KIAA2012: variants seen among roughly 807,000 people sequenced by gnomAD.
KIAA2012 encodes the protein uncharacterized protein KIAA2012.
In KIAA2012, 125 loss-of-function variants were observed where a neutral mutation model predicts 150.6. The observed-to-expected ratio is 0.83, with a 90% CI of 0.72 to 0.96. The LOEUF (loss-of-function observed/expected upper bound fraction) is 0.96. KIAA2012 is among the 40% of genes least tolerant of loss of function. The probability of loss-of-function intolerance (pLI) is 0.00; values close to 1 mark genes in which losing one functional copy is unlikely to be tolerated. For synonymous variants in KIAA2012, 462 were observed against 504.7 expected (o/e 0.92, Z 1.13); for missense variants, 1,219 against 1,354.9 (o/e 0.90, Z 1.57).
chr2:202,076,260 G>A (rs1431393414), intron 2 of KIAA2012, among the ~76,000 whole-genome samples: 3 of 152,046 alleles, frequency 2.0e-5, no homozygotes, highest in Non-Finnish European at 2.9e-5. Flanking sequence ...TCCAATATGG[G>A]GACCATGTCT....
At chr2:202,077,873 G>A (rs1689360062) in intron 2 of KIAA2012, among the ~76,000 whole-genome samples, 1 of 152,086 alleles carries the variant, frequency 6.6e-6, no homozygotes, top group Non-Finnish European at 1.5e-5. Flanking sequence ...CAGAAGCTTC[G>A]GAAAATAGAG....
At chr2:202,190,537 C>T (rs1446832370) in intron 19 of KIAA2012, 44 bp downstream of exon 19, 15 of 1,397,814 alleles carry the variant, frequency 1.1e-5, no homozygotes, top group Non-Finnish European at 1.3e-5. Context: ...GTTCTGTTCT[C>T]ACTTGGCGCG....
intron 2 of KIAA2012, among the ~76,000 whole-genome samples, chr2:202,083,340 G>A (rs541752209): frequency 6.6e-6 from 1 of 152,362 alleles, no homozygotes; most frequent in African/African-American, 2.4e-5. Context: ...ATGCTTTCCA[G>A]GCACAGCTGC....
intron 12 of KIAA2012, among the ~76,000 whole-genome samples, chr2:202,130,256 T>G (rs1315795548): frequency 1.3e-5 from 2 of 152,230 alleles, no homozygotes; most frequent in African/African-American, 4.8e-5. Flanking sequence ...CAATTCTTTT[T>G]TAGTTTTATC....
At chr2:202,131,225 T>C (rs1287451019) in intron 12 of KIAA2012, among the ~76,000 whole-genome samples, 1 of 152,182 alleles carries the variant, frequency 6.6e-6, no homozygotes, top group Non-Finnish European at 1.5e-5. Context: ...CTGCAACCTC[T>C]GTCTCCCGGG....
At chr2:202,087,902 G>A (rs151195033) in intron 2 of KIAA2012, among the ~76,000 whole-genome samples, 62 of 151,970 alleles carry the variant, frequency 4.1e-4, no homozygotes, top group African/African-American at 1.3e-3. Flanking sequence ...GAGATGCAAC[G>A]GAGTCTGGGA....
chr2:202,193,072 G>A (rs1692350332), intron 19 of KIAA2012, among the ~76,000 whole-genome samples: 1 of 152,194 alleles, frequency 6.6e-6, no homozygotes, highest in African/African-American at 2.4e-5. Context: ...GGAAGTTTAA[G>A]TTGTGATCCC....
intron 3 of KIAA2012, 29 bp from the exon 4 acceptor site, chr2:202,093,001 C>T (rs1689765388): frequency 6.5e-7 from 1 of 1,533,390 alleles, no homozygotes; most frequent in South Asian, 1.2e-5. Flanking sequence ...ACCACTATTT[C>T]TATCAATATC....
intron 13 of KIAA2012, among the ~76,000 whole-genome samples, chr2:202,151,875 C>T (rs1691435489): frequency 6.6e-6 from 1 of 152,154 alleles, no homozygotes; most frequent in Non-Finnish European, 1.5e-5. Flanking sequence ...ATCTTACCAC[C>T]TCAGCTTTCT....
At chr2:202,178,412 T>C (rs1692041456) in intron 15 of KIAA2012, among the ~76,000 whole-genome samples, 1 of 152,106 alleles carries the variant, frequency 6.6e-6, no homozygotes, top group Non-Finnish European at 1.5e-5. Flanking sequence ...CAGGTTATTT[T>C]ACTAAGAGAA....
At chr2:202,124,136 C>T (rs1217019754) in intron 11 of KIAA2012, among the ~76,000 whole-genome samples, 1 of 152,018 alleles carries the variant, frequency 6.6e-6, no homozygotes, top group East Asian at 1.9e-4. Flanking sequence ...GAGGTTGCAG[C>T]CAGCCAAGAT....
intron 2 of KIAA2012, 137 bp from the exon 3 acceptor site, chr2:202,090,633 A>G: frequency 1.1e-6 from 1 of 930,908 alleles, no homozygotes; most frequent in East Asian, 2.9e-5. Context: ...CTATTAGCCG[A>G]GGCATCTGTT....
intron 22 of KIAA2012, chr2:202,201,628 T>C: frequency 1.2e-6 from 2 of 1,610,794 alleles, no homozygotes; most frequent in Non-Finnish European, 1.7e-6. Flanking sequence ...GCCATGGGGA[T>C]TGTGGAACCT....
At position 202,184,844 on chromosome 2, in the gene KIAA2012, G is replaced by GT; in HGVS notation, c.2210+2dup. ...CAGAAGCAGATATTGTGCAAAAAGT[G>GT]TAAGTGTTCAAAGTTGTAATAACAT... On this transcript the variant is annotated splice_donor_variant, in intron 16 of 23. Transcript: ENST00000498697. LOFTEE classifies it high-confidence loss of function. The GT allele has an allele frequency of 6.5e-7, 1 of 1,545,194 alleles. No individual in the cohort carries two copies. Among genetic ancestry groups the GT allele is most frequent in the Non-Finnish European group, 8.7e-7 (1 of 1,144,836 alleles).
chr2:202,178,472 A>T (rs1692043360), intron 15 of KIAA2012, among the ~76,000 whole-genome samples: 1 of 152,134 alleles, frequency 6.6e-6, no homozygotes, highest in South Asian at 2.1e-4. Flanking sequence ...GGAAGGTTTC[A>T]ATTCTAATCA....
intron 15 of KIAA2012, among the ~76,000 whole-genome samples, chr2:202,170,484 G>A (rs1049153039): frequency 1.3e-5 from 2 of 152,160 alleles, no homozygotes; most frequent in African/African-American, 4.8e-5. Flanking sequence ...ATGAATGGAA[G>A]CTTCCATTAT....
intron 13 of KIAA2012, among the ~76,000 whole-genome samples, chr2:202,139,477 A>G (rs1691153014): frequency 6.6e-6 from 1 of 152,140 alleles, no homozygotes; most frequent in African/African-American, 2.4e-5. Context: ...CCTCCAGGCC[A>G]TGATCTTGAC....
Position 202,175,191 on chromosome 2 carries a change from G to A in KIAA2012, c.2120-9562G>A, listed in dbSNP as rs574438969. On this transcript the variant is annotated intron_variant, in intron 15 of 23. Coordinates refer to ENST00000498697, the MANE Select transcript of KIAA2012 (RefSeq NM_001277372.4). ...AGACTTTGCTGATTGCGTCCTCATAGTGTAGTTTAACATGTTTCTCTGTCT... is the reference window on the plus strand; with the variant it reads ...AGACTTTGCTGATTGCGTCCTCATAATGTAGTTTAACATGTTTCTCTGTCT... 9.7e-4 allele frequency among the ~76,000 whole-genome samples: 148 copies of A among 152,194 alleles called. 1 individual carries two copies. The highest frequency in any genetic ancestry group is 3.4e-3 in the African/African-American group (143 of 41,518).
chr2:202,075,241 C>A, intron 2 of KIAA2012, 66 bp downstream of exon 2: 1 of 1,457,674 alleles, frequency 6.9e-7, no homozygotes, highest in East Asian at 2.5e-5. Context: ...CCAGTTGCAG[C>A]TTTGGGAATA....
Sources: gnomAD v4.1 joint callset for allele counts (sites outside exome capture counted in the v4.1 genomes callset) on GRCh38, gnomAD v4.1.1 for gene constraint, MANE v1.5 for transcripts, NCBI Gene and HGNC (gene_info 2026-07-23, HGNC 2026-07-21) for gene names.